The following PPP6R2 variants were observed in gnomAD, a reference collection of about 807,000 sequenced individuals.
The protein encoded by PPP6R2 is serine/threonine-protein phosphatase 6 regulatory subunit 2.
A neutral mutation model predicts 100.2 loss-of-function variants in PPP6R2; 62 were observed. The ratio of observed to expected loss-of-function variants is 0.62; its 90% CI spans 0.50 to 0.76. The LOEUF (loss-of-function observed/expected upper bound fraction) is 0.76. Among genes scored for constraint, PPP6R2 ranks in the 30% least tolerant of loss-of-function variants. The probability of loss-of-function intolerance (pLI) is 0.00; values close to 1 mark genes in which losing one functional copy is unlikely to be tolerated. For synonymous variants in PPP6R2, 525 were observed against 514.7 expected (o/e 1.02, Z -0.27); for missense variants, 1,142 against 1,276.3 (o/e 0.89, Z 1.60).
chr22:50,442,312 T>G (rs1223569414), intron 22 of PPP6R2, among the ~76,000 whole-genome samples: 1 of 152,240 alleles, frequency 6.6e-6, no homozygotes, highest in East Asian at 1.9e-4. Context: ...AGCACCAGGC[T>G]GGCTCTCCCC....
At chr22:50,389,248 A>G (rs943607069) in intron 2 of PPP6R2, 1 of 152,234 alleles carries the variant, frequency 6.6e-6, no homozygotes, top group African/African-American at 2.4e-5. Flanking sequence ...TAAACCAACA[A>G]GCCAGGCCAT....
the PPP6R2 span, among the ~76,000 whole-genome samples, chr22:50,336,493 A>T: frequency 6.6e-6 from 1 of 152,096 alleles, no homozygotes; most frequent in African/African-American, 2.4e-5. Flanking sequence ...CTCCTGCCTC[A>T]GCCTCCCAAG....
intron 10 of PPP6R2, among the ~76,000 whole-genome samples, chr22:50,425,090 T>C (rs1160637986): frequency 6.6e-6 from 1 of 152,252 alleles, no homozygotes; most frequent in Non-Finnish European, 1.5e-5. Flanking sequence ...CCATTACCAT[T>C]ATTCACATCT....
chr22:50,410,708 A>T (rs1424049857), intron 4 of PPP6R2, among the ~76,000 whole-genome samples: 1 of 152,052 alleles, frequency 6.6e-6, no homozygotes, highest in Non-Finnish European at 1.5e-5. Flanking sequence ...ATATTCACAT[A>T]CATCAGTATT....
chr22:50,350,998 T>G (rs1006612605), intron 1 of PPP6R2, among the ~76,000 whole-genome samples: 1 of 150,656 alleles, frequency 6.6e-6, no homozygotes, highest in Non-Finnish European at 1.5e-5. Flanking sequence ...AAGGAATCTT[T>G]TTTTTCTGAG....
In PPP6R2 at chr22:50,406,467, G is replaced by C. The variant is rs181411713; in HGVS notation, c.228-222G>C. On this transcript the variant is annotated intron_variant, in intron 3 of 23. Transcript: ENST00000612753. ...GGGTCAGAAAATGTCAGATATCAGC[G>C]TATAGGGCATGAGGAGCATAGAAGG... Among the ~76,000 whole-genome samples, 658 of 152,308 alleles carry C rather than the reference G, an allele frequency of 4.3e-3. 8 individuals carry two copies. Among genetic ancestry groups the C allele is most frequent in the African/African-American group, 0.015 (613 of 41,562 alleles).
At chr22:50,340,535 GGTGTGTGTGTCGC>G (rs1275313768), upstream of PPP6R2, among the ~76,000 whole-genome samples, 12 of 144,070 alleles carry the variant, frequency 8.3e-5, no homozygotes, top group East Asian at 4.1e-4. Flanking sequence ...GGGGGTATGT[GGTGTGTGTGTCGC>G]GTGTGTGTGG....
At chr22:50,370,316 C>T (rs1019092519) in intron 1 of PPP6R2, among the ~76,000 whole-genome samples, 3 of 152,192 alleles carry the variant, frequency 2.0e-5, no homozygotes, top group Non-Finnish European at 4.4e-5. Context: ...GAGATGGAGT[C>T]TTGCACTGTC....
chr22:50,355,641 C>T (rs1306673096), intron 1 of PPP6R2, among the ~76,000 whole-genome samples: 1 of 151,426 alleles, frequency 6.6e-6, no homozygotes, highest in Non-Finnish European at 1.5e-5. Context: ...CTGCCTCAGC[C>T]TCCTGAGTAC....
chr22:50,399,267 A>G (rs1328294073), intron 3 of PPP6R2, among the ~76,000 whole-genome samples: 3 of 152,258 alleles, frequency 2.0e-5, no homozygotes, highest in South Asian at 2.1e-4. Flanking sequence ...GACTGTATCT[A>G]TGAAAAGTCA....
intron 1 of PPP6R2, among the ~76,000 whole-genome samples, chr22:50,349,240 T>C (rs2044446595): frequency 6.8e-6 from 1 of 146,132 alleles, no homozygotes; most frequent in African/African-American, 2.5e-5. Flanking sequence ...GGTGTGCGCC[T>C]ATAGTCCCAG....
At chr22:50,425,602 C>T (rs2061983700) in intron 10 of PPP6R2, among the ~76,000 whole-genome samples, 2 of 152,172 alleles carry the variant, frequency 1.3e-5, no homozygotes, top group Non-Finnish European at 2.9e-5. Flanking sequence ...GTGGCTGCAC[C>T]ATTTTATCTT....
In PPP6R2 at chr22:50,422,394, GC is replaced by G; in HGVS notation, c.972+15del. On this transcript the variant is annotated intron_variant, in intron 9 of 23. Coordinates refer to ENST00000612753, the MANE Select transcript of PPP6R2 (RefSeq NM_001242898.2). The stretch of plus-strand genomic sequence containing the variant: ...AACCCGCCCAAGGTAAATGGCCGTG[GC>G]GACTGCTGAGTGCCTTTGGAGGCGT... 6.2e-7 allele frequency: 1 copy of G among 1,613,424 alleles called. No homozygotes were observed. The highest frequency in any genetic ancestry group is 8.5e-7 in the Non-Finnish European group (1 of 1,179,580).
At chr22:50,357,247 T>C (rs1161859277) in intron 1 of PPP6R2, among the ~76,000 whole-genome samples, 2 of 152,204 alleles carry the variant, frequency 1.3e-5, no homozygotes, top group Non-Finnish European at 2.9e-5. Context: ...TTTAGGAGTT[T>C]ACAAAAATAA....
chr22:50,354,668 A>G lies in PPP6R2; in HGVS notation c.-148+11118A>G, dbSNP rs531458591. 1.8e-4 allele frequency among the ~76,000 whole-genome samples: 28 copies of G among 151,828 alleles called. No individual in the cohort carries two copies. The South Asian group carries it at 5.2e-3, about 28-fold the overall frequency. On this transcript the variant is annotated intron_variant, in intron 1 of 23. Transcript: ENST00000612753. ...TGGTTAAACCCTGTCTGTACTAAAA[A>G]TACAAAAATTAGCCGGGCATGGTGG...
upstream of PPP6R2, among the ~76,000 whole-genome samples, chr22:50,338,312 GT>G (rs2042326186): frequency 6.8e-6 from 1 of 146,536 alleles, no homozygotes; most frequent in African/African-American, 2.6e-5. Flanking sequence ...TGGTGTGTGT[GT>G]GGTGTGTGGT....
chr22:50,359,217 CTTTTTTTTTT>C (rs368586121), intron 1 of PPP6R2, among the ~76,000 whole-genome samples: 28,593 of 129,200 alleles, frequency 0.22, 3,131 homozygotes, highest in South Asian at 0.39. Context: ...CCAGGCTGGT[CTTTTTTTTTT>C]TTTTTTTTTG....
the PPP6R2 span, among the ~76,000 whole-genome samples, chr22:50,334,495 T>C: frequency 1.3e-5 from 2 of 152,172 alleles, no homozygotes; most frequent in Non-Finnish European, 2.9e-5. Flanking sequence ...TATAATCATA[T>C]ATATAATCTA....
Position 50,403,240 on chromosome 22 carries a change from A to T in PPP6R2, c.228-3449A>T, listed in dbSNP as rs368134649. Reference sequence around the variant, plus strand: ...AAAAAATCAGTTTGTTCCCTGTGGTATTGAGACACTTCTTCAAGGAATGAT... The same window carrying T: ...AAAAAATCAGTTTGTTCCCTGTGGTTTTGAGACACTTCTTCAAGGAATGAT... On this transcript the variant is annotated intron_variant, in intron 3 of 23. Transcript: ENST00000612753. Among the ~76,000 whole-genome samples the T allele has an allele frequency of 9.9e-5, 15 of 152,130 alleles. No individual in the cohort carries two copies. The South Asian group carries it at 1.9e-3, about 19-fold the overall frequency.
Sources: allele counts gnomAD v4.1 joint callset (sites outside exome capture counted in the v4.1 genomes callset), GRCh38; gene constraint gnomAD v4.1.1; transcripts MANE v1.5; gene names NCBI Gene and HGNC (gene_info 2026-07-23, HGNC 2026-07-21).